The following REEP4 variants were observed in gnomAD, a reference collection of about 807,000 sequenced individuals.
The protein encoded by REEP4 is receptor accessory protein 4.
In REEP4, 17 loss-of-function variants were observed where a neutral mutation model predicts 33.5. The observed-to-expected ratio is 0.51, with a 90% CI of 0.35 to 0.76. REEP4 has a LOEUF of 0.76. REEP4 is among the 30% of genes least tolerant of loss of function. The probability of loss-of-function intolerance (pLI) is 0.01; values close to 1 mark genes in which losing one functional copy is unlikely to be tolerated. For missense variants in REEP4, 340 were observed against 357.9 expected (o/e 0.95, Z 0.40); for synonymous variants, 157 against 142.9 (o/e 1.10, Z -0.70).
At chr8:22,140,359 C>G in intron 2 of REEP4, 111 bp from the exon 3 acceptor site, 1 of 1,101,342 alleles carries the variant, frequency 9.1e-7, no homozygotes, top group Non-Finnish European at 1.4e-6. Flanking sequence ...TAGCTGCTTT[C>G]CCCCACACAT....
Position 22,138,407 on chromosome 8 carries a change from G to T in REEP4, c.*80C>A. The T allele has an allele frequency of 6.5e-7, 1 of 1,530,940 alleles. No individual in the cohort carries two copies. The allele number at this position is 1,530,940 out of a possible 1,614,324, so 94.8% of individuals were successfully genotyped here. A position where few individuals can be genotyped will look rare whatever the true frequency, so the allele number is the denominator to read the frequency against. ...CCAGGCAGCTGGTGCAGGCAGGCCA[G>T]ATGTGCAGCCCAAGGTCCCTCCAAA... On this transcript the variant is annotated 3_prime_UTR_variant, in exon 8 of 8. Transcript: ENST00000306306.
In REEP4 at chr8:22,139,258, C is replaced by G. The variant is rs766391057; in HGVS notation, c.417+158G>C. 14 of 935,362 alleles carry G rather than the reference C, an allele frequency of 1.5e-5. No individual in the cohort carries two copies. The South Asian group carries it at 1.7e-4, about 11-fold the overall frequency. 57.9% of individuals were successfully genotyped at this position (935,362 alleles called of 1,614,324 possible). On this transcript the variant is annotated intron_variant, in intron 5 of 7. Coordinates refer to ENST00000306306, the MANE Select transcript of REEP4 (RefSeq NM_025232.4). ...CAGTGCCAGAGCCAGGAAGGAAGGT[C>G]TGACTCCAGCTCCACGCTTCTGCCA...
At position 22,138,740 on chromosome 8, in the gene REEP4, C is replaced by A. The variant is rs930768408; in HGVS notation, c.607G>T (p.Asp203Tyr). 3 of 1,611,948 alleles carry A rather than the reference C, an allele frequency of 1.9e-6. No individual in the cohort carries two copies. Among genetic ancestry groups the A allele is most frequent in the Non-Finnish European group, 2.5e-6 (3 of 1,179,484 alleles). Residue 203 changes from aspartate (D) to tyrosine (Y), a missense_variant, in exon 7 of 8, where the codon GAT becomes TAT. Asp to Tyr is a radical substitution (Grantham distance 160). Transcript: ENST00000306306. Reference protein sequence around the residue: ...DSDTEDECWSDTEAVPRAPAR... With the variant: ...DSDTEDECWSYTEAVPRAPAR... ...GGCGCCCGGGGGACTGCCTCAGTAT[C>A]TGACCAACACTCATCCTCGGTGTCG...
chr8:22,140,125 T>TG (rs757967294), intron 3 of REEP4, 42 bp from the exon 4 acceptor site: 45 of 1,613,926 alleles, frequency 2.8e-5, no homozygotes, highest in South Asian at 2.2e-4. Context: ...GGAGCAGGGC[T>TG]GGGGGGGCCA....
In REEP4 at chr8:22,138,351, T is replaced by G; in HGVS notation, c.*136A>C. ...CTTGGCAGCATCTGCTCCCGGCCCT[T>G]AACCATCAGCAGGAGTCAGGAGGGT... On this transcript the variant is annotated 3_prime_UTR_variant, in exon 8 of 8. Coordinates refer to ENST00000306306, the MANE Select transcript of REEP4 (RefSeq NM_025232.4). 9.7e-7 allele frequency: 1 copy of G among 1,033,286 alleles called. No homozygotes were observed. Among genetic ancestry groups the G allele is most frequent in the Non-Finnish European group, 1.5e-6 (1 of 679,926 alleles). The allele number at this position is 1,033,286 out of a possible 1,614,324, so 64.0% of individuals were successfully genotyped here.
Position 22,138,385 on chromosome 8 carries a change from G to A in REEP4, c.*102C>T, listed in dbSNP as rs190510157. ...GCAGGAGTCAGGAGGGTGGGGCCCA[G>A]GCAGCTGGTGCAGGCAGGCCAGATG... On this transcript the variant is annotated 3_prime_UTR_variant, in exon 8 of 8. Transcript: ENST00000306306. 7.2e-7 allele frequency: 1 copy of A among 1,384,312 alleles called. No homozygotes were observed. The allele number at this position is 1,384,312 out of a possible 1,614,324, so 85.8% of individuals were successfully genotyped here.
intron 3 of REEP4, 44 bp downstream of exon 3, chr8:22,140,128 G>T (rs760895796): frequency 6.2e-7 from 1 of 1,614,036 alleles, no homozygotes; most frequent in Non-Finnish European, 8.5e-7. Context: ...GCAGGGCTGG[G>T]GGGGCCACCC....
In REEP4 at chr8:22,138,786, C is replaced by G; in HGVS notation, c.561G>C (p.Arg187=). The change falls in exon 7 of 8, where the codon CGG becomes CGC. Residue 187 remains arginine, a synonymous_variant. Coordinates refer to ENST00000306306, the MANE Select transcript of REEP4 (RefSeq NM_025232.4). Reference sequence around the variant, plus strand: ...TGTCGCTGTCCTGCAGGCCCCCGGCCCGGTACCCTGTGTGGAGGAGGAGGT... The same window carrying G: ...TGTCGCTGTCCTGCAGGCCCCCGGCGCGGTACCCTGTGTGGAGGAGGAGGT... ...VSHRRPPIGY[R]AGGLQDSDTE... 1 of 1,599,768 alleles carries G rather than the reference C, an allele frequency of 6.3e-7. No individual in the cohort carries two copies.
rs750742377 is a variant in REEP4 at position 22,138,946 on chromosome 8, G to C, written c.533C>G (p.Ser178Cys). 2 of 1,596,380 alleles carry C rather than the reference G, an allele frequency of 1.3e-6. No homozygotes were observed. The highest frequency in any genetic ancestry group is 1.7e-6 in the Non-Finnish European group (2 of 1,172,962). The part of the protein sequence containing the change: ...HDPLYLEDQV[S>C]HRRPPIGYRA... ...CTCACCAATGGGTGGCCTCCGGTGG[G>C]ACACCTGGTCCTCCAGGTAGAGGGG... The change falls in exon 6 of 8, where the codon TCC becomes TGC. Residue 178 changes from serine (S) to cysteine (C), a missense_variant. Coordinates refer to ENST00000306306, the MANE Select transcript of REEP4 (RefSeq NM_025232.4).
In REEP4 at chr8:22,138,265, A is replaced by G. The variant is rs1241925312; in HGVS notation, c.*222T>C. ...GGAAGGGAGAGGGCAGAGCAAGGCAATAAATAGAACCCTGGGCCCAGCCTG... is the reference window on the plus strand; with the variant it reads ...GGAAGGGAGAGGGCAGAGCAAGGCAGTAAATAGAACCCTGGGCCCAGCCTG... On this transcript the variant is annotated 3_prime_UTR_variant, in exon 8 of 8. Transcript: ENST00000306306. 1.4e-6 allele frequency: 1 copy of G among 691,124 alleles called. No homozygotes were observed. Among genetic ancestry groups the G allele is most frequent in the African/African-American group, 1.8e-5 (1 of 56,926 alleles). 42.8% of individuals were successfully genotyped at this position (691,124 alleles called of 1,614,324 possible).
In REEP4 at chr8:22,139,445, C is replaced by A. The variant is rs770498333; in HGVS notation, c.388G>T (p.Ala130Ser). The A allele has an allele frequency of 3.1e-6, 5 of 1,608,558 alleles. No individual in the cohort carries two copies. Among genetic ancestry groups the A allele is most frequent in the Non-Finnish European group, 4.2e-6 (5 of 1,179,696 alleles). The stretch of plus-strand genomic sequence containing the variant: ...GTGGCAGCCTGCACAGCAGCGGAGG[C>A]GGCAATGTTGAGGCCCCGCTTCCCG... ...SFGKRGLNIA[A>S]SAAVQAATKS... Residue 130 changes from alanine (A) to serine (S), a missense_variant, in exon 5 of 8, where the codon GCC (alanine) becomes TCC (serine). By Grantham distance (99) the Ala-to-Ser change is moderately conservative. Transcript: ENST00000306306.
chr8:22,139,114 C>T (rs1384088719), intron 5 of REEP4, 53 bp from the exon 6 acceptor site: 2 of 1,554,116 alleles, frequency 1.3e-6, no homozygotes, highest in Non-Finnish European at 1.7e-6. Context: ...TATTGGCCAA[C>T]CAGCTAATCA....
rs1827175983 is a variant in REEP4 at position 22,138,931 on chromosome 8, G to C, written c.548C>G (p.Pro183Arg). The change falls in exon 6 of 8, where the codon CCC (proline) becomes CGC (arginine). Residue 183 changes from proline (P) to arginine (R), a missense_variant. Coordinates refer to ENST00000306306, the MANE Select transcript of REEP4 (RefSeq NM_025232.4). ...LEDQVSHRRPPIGYRAGGLQD... is the reference protein window; with the variant it reads ...LEDQVSHRRPRIGYRAGGLQD... ...GGGCCCCTCTGCCCGCTCACCAATG[G>C]GTGGCCTCCGGTGGGACACCTGGTC... 1 of 1,584,040 alleles carries C rather than the reference G, an allele frequency of 6.3e-7. No homozygotes were observed. The highest frequency in any genetic ancestry group is 1.4e-5 in the African/African-American group (1 of 73,720).
chr8:22,138,276 C>A lies in REEP4; in HGVS notation c.*211G>T. ...GGCAGAGCAAGGCAATAAATAGAAC[C>A]CTGGGCCCAGCCTGCTTTGGTACAT... is the stretch of plus-strand genomic sequence containing the variant. On this transcript the variant is annotated 3_prime_UTR_variant, in exon 8 of 8. Transcript: ENST00000306306. The A allele has an allele frequency of 1.4e-6, 1 of 707,698 alleles. No homozygotes were observed. The allele number at this position is 707,698 out of a possible 1,614,324, so 43.8% of individuals were successfully genotyped here. A position where few individuals can be genotyped will look rare whatever the true frequency, so the allele number is the denominator to read the frequency against.
intron 4 of REEP4, 90 bp from the exon 5 acceptor site, chr8:22,139,619 C>T: frequency 1.0e-6 from 1 of 984,814 alleles, no homozygotes; most frequent in Non-Finnish European, 1.5e-6. Context: ...TGTGGCGCCA[C>T]CCAGCCCAGC....
At chr8:22,140,772 A>C in intron 1 of REEP4, 75 bp from the exon 2 acceptor site, 2 of 1,293,378 alleles carry the variant, frequency 1.5e-6, no homozygotes, top group Non-Finnish European at 2.2e-6. Context: ...ATTTCCCCCC[A>C]CTGGGGTGCA....
At position 22,138,569 on chromosome 8, in the gene REEP4, C is replaced by T; in HGVS notation, c.709-17G>A. 1 of 1,613,908 alleles carries T rather than the reference C, an allele frequency of 6.2e-7. No individual in the cohort carries two copies. The highest frequency in any genetic ancestry group is 8.5e-7 in the Non-Finnish European group (1 of 1,180,026). The stretch of plus-strand genomic sequence containing the variant: ...CGAGGTGCCCTGGGGAAAGGGGAGG[C>T]ACAGCATGAGGGTGTGGGGAGCACC... On this transcript the variant is annotated splice_polypyrimidine_tract_variant and intron_variant, in intron 7 of 7. Coordinates refer to ENST00000306306, the MANE Select transcript of REEP4 (RefSeq NM_025232.4).
chr8:22,139,449 A>C lies in REEP4; in HGVS notation c.384T>G (p.Ile128Met), dbSNP rs767560304. The C allele has an allele frequency of 6.2e-7, 1 of 1,609,264 alleles. No homozygotes were observed. Among genetic ancestry groups the C allele is most frequent in the Non-Finnish European group, 8.5e-7 (1 of 1,179,838 alleles). Residue 128 changes from isoleucine to methionine, a missense_variant, in exon 5 of 8, where the codon ATT (isoleucine) becomes ATG (methionine). Coordinates refer to ENST00000306306, the MANE Select transcript of REEP4 (RefSeq NM_025232.4). ...VLSFGKRGLN[I>M]AASAAVQAAT... ...CAGCCTGCACAGCAGCGGAGGCGGC[A>C]ATGTTGAGGCCCCGCTTCCCGAAGC...
rs1282564986 is a variant in REEP4 at position 22,141,842 on chromosome 8, C to G, written c.-360G>C. On this transcript the variant is annotated 5_prime_UTR_variant, in exon 1 of 8. Transcript: ENST00000306306. ...GCGGGTCGCCGCGGTTCCAGCGCGC[C>G]GGGCCACCAGCACCGGCCTACAGGG... The G allele has an allele frequency of 3.6e-6, 1 of 279,954 alleles. No homozygotes were observed. The allele number at this position is 279,954 out of a possible 1,614,324, so 17.3% of individuals were successfully genotyped here. A position where few individuals can be genotyped will look rare whatever the true frequency, so the allele number is the denominator to read the frequency against.
Sources: allele counts gnomAD v4.1 joint callset, GRCh38; gene constraint gnomAD v4.1.1; transcripts MANE v1.5; gene names NCBI Gene and HGNC (gene_info 2026-07-23, HGNC 2026-07-21).